DPYD: variants seen among roughly 807,000 people sequenced by gnomAD.
DPYD encodes the protein dihydropyrimidine dehydrogenase.
In DPYD, 109 loss-of-function variants were observed where a neutral mutation model predicts 116.2. The observed-to-expected ratio is 0.94, with a 90% confidence interval of 0.80 to 1.10. The LOEUF (loss-of-function observed/expected upper bound fraction) is 1.10, where lower values mean the gene tolerates loss of function less well. DPYD is among the 50% of genes least tolerant of loss of function. DPYD has a pLI of 0.00. For synonymous variants in DPYD, 440 were observed against 432.0 expected (o/e 1.02, Z -0.23); for missense variants, 1,302 against 1,254.5 (o/e 1.04, Z -0.57).
At chr1:97,306,891 G>A (rs933812323) in intron 16 of DPYD, among the ~76,000 whole-genome samples, 1 of 151,856 alleles carries the variant, frequency 6.6e-6, no homozygotes, top group African/African-American at 2.4e-5. Context: ...TTTTGTAAAT[G>A]TTACCAAGAT....
At chr1:97,616,790 A>G (rs1656296699) in intron 8 of DPYD, among the ~76,000 whole-genome samples, 1 of 152,248 alleles carries the variant, frequency 6.6e-6, no homozygotes, top group South Asian at 2.1e-4. Flanking sequence ...TATGTTATGT[A>G]CAAAAAGAAA....
chr1:97,854,358 G>T (rs932592533), intron 2 of DPYD, among the ~76,000 whole-genome samples: 20 of 152,084 alleles, frequency 1.3e-4, no homozygotes, highest in Admixed American at 1.2e-3. Context: ...TTAGCTTACT[G>T]CATATTCTCA....
intron 19 of DPYD, among the ~76,000 whole-genome samples, chr1:97,233,495 TC>T (rs950849313): frequency 2.6e-5 from 4 of 152,068 alleles, no homozygotes; most frequent in African/African-American, 9.7e-5. Context: ...ACGTCTAAGA[TC>T]CCTACTTGTC....
intron 13 of DPYD, among the ~76,000 whole-genome samples, chr1:97,509,734 A>T (rs921828952): frequency 1.3e-5 from 2 of 151,986 alleles, no homozygotes; most frequent in African/African-American, 4.8e-5. Context: ...CTTAAAGATC[A>T]TCTCAAGAAT....
At position 97,634,914 on chromosome 1, in the gene DPYD, T is replaced by A. The variant is rs562606645; in HGVS notation, c.851-39748A>T. 2.6e-5 allele frequency among the ~76,000 whole-genome samples: 4 copies of A among 151,356 alleles called. No individual in the cohort carries two copies. In the East Asian group the frequency reaches 5.8e-4, roughly 22 times the overall value. ...ATCTTATCCATCTAGTTGCAATTGC[T>A]TGAAATTCCTTTAACTAGAGACAAA... On this transcript the variant is annotated intron_variant, in intron 8 of 22. Transcript: ENST00000370192.
intron 20 of DPYD, among the ~76,000 whole-genome samples, chr1:97,169,867 C>G (rs1656597354): frequency 6.6e-6 from 1 of 152,142 alleles, no homozygotes; most frequent in Non-Finnish European, 1.5e-5. Context: ...CAGAAACATC[C>G]TTGGAGCTCT....
intron 5 of DPYD, among the ~76,000 whole-genome samples, chr1:97,716,321 A>T (rs1662613224): frequency 6.6e-6 from 1 of 152,086 alleles, no homozygotes; most frequent in Non-Finnish European, 1.5e-5. Context: ...AATAGTTAAC[A>T]AAATTCTGAA....
At chr1:97,729,079 T>C (rs967207717) in intron 4 of DPYD, among the ~76,000 whole-genome samples, 1 of 152,120 alleles carries the variant, frequency 6.6e-6, no homozygotes, top group South Asian at 2.1e-4. Context: ...GAACTACACA[T>C]TTGGTTCAGT....
chr1:97,200,675 A>G (rs1461289220), intron 19 of DPYD, among the ~76,000 whole-genome samples: 1 of 152,214 alleles, frequency 6.6e-6, no homozygotes, highest in Non-Finnish European at 1.5e-5. Context: ...TCAAAAAGAA[A>G]TATCTATACA....
intron 11 of DPYD, among the ~76,000 whole-genome samples, chr1:97,554,613 T>C (rs141528159): frequency 6.6e-6 from 1 of 152,028 alleles, no homozygotes; most frequent in Admixed American, 6.6e-5. Flanking sequence ...CTCAGCAAGA[T>C]CAAAATAAAT....
At chr1:97,556,364 T>C (rs1007473476) in intron 11 of DPYD, among the ~76,000 whole-genome samples, 12 of 152,000 alleles carry the variant, frequency 7.9e-5, no homozygotes, top group African/African-American at 2.9e-4. Context: ...TTTTTCTTTT[T>C]TTTATTATAC....
chr1:97,261,734 A>G (rs1426950545), intron 18 of DPYD, among the ~76,000 whole-genome samples: 12 of 151,962 alleles, frequency 7.9e-5, no homozygotes, highest in Non-Finnish European at 1.8e-4. Flanking sequence ...TACATTAGCT[A>G]ATTTATTCCT....
At chr1:97,893,870 G>A (rs1406911203) in intron 1 of DPYD, among the ~76,000 whole-genome samples, 7 of 150,912 alleles carry the variant, frequency 4.6e-5, no homozygotes, top group African/African-American at 1.5e-4. Flanking sequence ...TGATCTCTAT[G>A]TGAAAAAAAA....
chr1:97,228,024 G>GT lies in DPYD; in HGVS notation c.2442+6827dup, dbSNP rs534588512. Among the ~76,000 whole-genome samples, 12 of 151,378 alleles carry GT rather than the reference G, an allele frequency of 7.9e-5. No individual in the cohort carries two copies. In the South Asian group the frequency reaches 1.5e-3, roughly 18 times the overall value. On this transcript the variant is annotated intron_variant, in intron 19 of 22. Transcript: ENST00000370192. ...AAATATTATCTTTACAATGAAGTCT[G>GT]TTTTTTTCCCACAGCACTTATCTTA...
At chr1:97,872,586 C>G (rs1456431384) in intron 2 of DPYD, among the ~76,000 whole-genome samples, 1 of 151,902 alleles carries the variant, frequency 6.6e-6, no homozygotes, top group African/African-American at 2.4e-5. Context: ...GAGAATAAAT[C>G]TCTGACAACA....
chr1:97,230,016 T>G (rs1291507820), intron 19 of DPYD, among the ~76,000 whole-genome samples: 1 of 152,102 alleles, frequency 6.6e-6, no homozygotes, highest in African/African-American at 2.4e-5. Flanking sequence ...CAACCAAAAT[T>G]TACTATATTT....
At chr1:97,834,033 C>A (rs1398312484) in intron 2 of DPYD, among the ~76,000 whole-genome samples, 2 of 152,058 alleles carry the variant, frequency 1.3e-5, no homozygotes, top group Non-Finnish European at 2.9e-5. Context: ...GGCCCAACGT[C>A]TATGTGCAAC....
intron 2 of DPYD, among the ~76,000 whole-genome samples, chr1:97,832,975 T>A (rs1308975731): frequency 6.9e-6 from 1 of 144,538 alleles, no homozygotes; most frequent in African/African-American, 2.6e-5. Flanking sequence ...TGATTCTGGA[T>A]GGAGGTGGAA....
rs552424422 is a variant in DPYD at position 97,843,224 on chromosome 1, T to G, written c.151-15028A>C. Among the ~76,000 whole-genome samples the G allele has an allele frequency of 1.1e-3, 171 of 152,248 alleles. 1 individual carries two copies. In the South Asian group the frequency reaches 0.014, roughly 13 times the overall value. ...AAAATTGGAAAAGTTACCCAATGCA[T>G]TTAACCAATTTTTACCATAATCAAC... On this transcript the variant is annotated intron_variant, in intron 2 of 22. Coordinates refer to ENST00000370192, the MANE Select transcript of DPYD (RefSeq NM_000110.4).
Sources: allele counts gnomAD v4.1 joint callset (sites outside exome capture counted in the v4.1 genomes callset), GRCh38; gene constraint gnomAD v4.1.1; transcripts MANE v1.5; gene names NCBI Gene and HGNC (gene_info 2026-07-23, HGNC 2026-07-21).